ABCA9: variants seen among roughly 807,000 people sequenced by gnomAD.
ABCA9 encodes ATP-binding cassette sub-family A member 9.
ABCA9 carries 183 observed loss-of-function variants against 205.3 expected under a neutral mutation model. The observed-to-expected ratio is 0.89, with a 90% CI of 0.79 to 1.01. The LOEUF is 1.01. Ranked by LOEUF, ABCA9 falls within the 50% of genes least tolerant of loss-of-function variation. The pLI is 0.00. For missense variants in ABCA9, 1,805 were observed against 1,912.4 expected (o/e 0.94, Z 1.05); for synonymous variants, 651 against 683.3 (o/e 0.95, Z 0.74).
intron 34 of ABCA9, 77 bp downstream of exon 34, chr17:68,984,808 A>G: frequency 6.3e-7 from 1 of 1,578,730 alleles, no homozygotes; most frequent in South Asian, 1.1e-5. Flanking sequence ...TTCCTTTCTA[A>G]GTAAACAATG....
At chr17:69,050,081 G>C (rs914021201) in intron 2 of ABCA9, among the ~76,000 whole-genome samples, 3 of 151,906 alleles carry the variant, frequency 2.0e-5, no homozygotes, top group Non-Finnish European at 2.9e-5. Flanking sequence ...TTTTAAAAGA[G>C]TTATATGTCA....
Position 69,008,218 on chromosome 17 carries a change from C to T in ABCA9, c.3165G>A (p.Gln1055=). 3.1e-6 allele frequency: 5 copies of T among 1,612,874 alleles called. No homozygotes were observed. The highest frequency in any genetic ancestry group is 3.4e-6 in the Non-Finnish European group (4 of 1,179,742). ...IGDYKKKAHS[Q]LRISGLYPSA... ...AAGGGTAGAGGCCTGAAATCCGTAG[C>T]TGGGAATGAGCTTTTTTCTGATAAA... The change falls in exon 24 of 39, where the codon CAG becomes CAA. Residue 1055 remains glutamine, a synonymous_variant. Coordinates refer to ENST00000340001, the MANE Select transcript of ABCA9 (RefSeq NM_080283.4).
intron 1 of ABCA9, among the ~76,000 whole-genome samples, chr17:69,052,637 GA>G (rs2071944385): frequency 6.6e-6 from 1 of 152,136 alleles, no homozygotes; most frequent in Admixed American, 6.5e-5. Flanking sequence ...TCCCCACAAA[GA>G]AATTCTCCAG....
At chr17:68,981,037 A>G (rs2069035669) in intron 37 of ABCA9, among the ~76,000 whole-genome samples, 1 of 152,076 alleles carries the variant, frequency 6.6e-6, no homozygotes, top group African/African-American at 2.4e-5. Context: ...CCCCACTTAT[A>G]TGTAGAACCT....
At position 68,975,843 on chromosome 17, in the gene ABCA9, C is replaced by T; in HGVS notation, c.*72G>A. ...ATTTTGTACCACCTCTGATATAAGG[C>T]ATATTAAGGCTATAAAATATTATCT... On this transcript the variant is annotated 3_prime_UTR_variant, in exon 39 of 39. Coordinates refer to ENST00000340001, the MANE Select transcript of ABCA9 (RefSeq NM_080283.4). The T allele has an allele frequency of 8.9e-7, 1 of 1,119,644 alleles. No homozygotes were observed. Among genetic ancestry groups the T allele is most frequent in the East Asian group, 2.6e-5 (1 of 39,088 alleles). The allele number at this position is 1,119,644 out of a possible 1,614,324, so 69.4% of individuals were successfully genotyped here.
At chr17:69,034,600 G>A (rs924022930) in intron 8 of ABCA9, 2 of 152,122 alleles carry the variant, frequency 1.3e-5, no homozygotes, top group African/African-American at 2.4e-5. Context: ...TCTACCAATG[G>A]ACATTTACGT....
chr17:69,014,141 A>G (rs988890169), intron 22 of ABCA9, among the ~76,000 whole-genome samples: 3 of 152,282 alleles, frequency 2.0e-5, no homozygotes, highest in Non-Finnish European at 2.9e-5. Context: ...TCAGCTGTCT[A>G]ATAATAACAC....
the ABCA9 span, among the ~76,000 whole-genome samples, chr17:69,067,601 A>G: frequency 6.8e-6 from 1 of 147,138 alleles, no homozygotes; most frequent in Non-Finnish European, 1.5e-5. Context: ...AGAGAAAGAA[A>G]AAAGAAAGAA....
intron 6 of ABCA9, chr17:69,042,807 A>T (rs944136118): frequency 6.6e-6 from 1 of 152,202 alleles, no homozygotes; most frequent in African/African-American, 2.4e-5. Context: ...TGAAAGTGGC[A>T]ACATTTGTAT....
intron 25 of ABCA9, among the ~76,000 whole-genome samples, chr17:69,003,555 T>A (rs1330250648): frequency 7.2e-6 from 1 of 139,766 alleles, no homozygotes; most frequent in African/African-American, 2.7e-5. Context: ...TTAACATTTT[T>A]TCCTTCATTT....
the ABCA9 span, among the ~76,000 whole-genome samples, chr17:69,076,231 G>T: frequency 6.6e-5 from 10 of 152,152 alleles, 1 homozygote; most frequent in South Asian, 2.1e-3. Context: ...ATCATGAAGG[G>T]ATGTTGGATT....
chr17:68,983,974 A>G lies in ABCA9; in HGVS notation c.4499+82T>C, dbSNP rs1486080719. 5.0e-6 allele frequency: 8 copies of G among 1,602,908 alleles called. No homozygotes were observed. In the South Asian group the frequency reaches 6.7e-5, roughly 13 times the overall value. On this transcript the variant is annotated intron_variant, in intron 35 of 38. Transcript: ENST00000340001. ...GAAGCAACCATGCTAGCTCCTCACG[A>G]TGGGTAGCCTGGTGCAGGGAAATAA... is the stretch of plus-strand genomic sequence containing the variant.
chr17:69,040,214 G>A lies in ABCA9; in HGVS notation c.800+3275C>T, dbSNP rs748998004. Among the ~76,000 whole-genome samples, 5 of 152,170 alleles carry A rather than the reference G, an allele frequency of 3.3e-5. No homozygotes were observed. In the South Asian group the frequency reaches 6.2e-4, roughly 19 times the overall value. On this transcript the variant is annotated intron_variant, in intron 6 of 38. Coordinates refer to ENST00000340001, the MANE Select transcript of ABCA9 (RefSeq NM_080283.4). ...AGCAATCCCATTACTGGGTATATAC[G>A]CTAAGGATCATAAATCATTCTACTA...
Position 69,024,509 on chromosome 17 carries a change from G to C in ABCA9, c.2142-156C>G, listed in dbSNP as rs368329270. Reference sequence around the variant, plus strand: ...AGTAAGATGTAAAACTACTAATAAAGTCCAAACCATTAAATCTATGCAACA... The same window carrying C: ...AGTAAGATGTAAAACTACTAATAAACTCCAAACCATTAAATCTATGCAACA... On this transcript the variant is annotated intron_variant, in intron 16 of 38. Transcript: ENST00000340001. 1.9e-4 allele frequency among the ~76,000 whole-genome samples: 29 copies of C among 152,234 alleles called. No individual in the cohort carries two copies. The East Asian group carries it at 3.9e-3, about 20-fold the overall frequency.
chr17:69,074,847 A>T, the ABCA9 span, among the ~76,000 whole-genome samples: 1 of 152,132 alleles, frequency 6.6e-6, no homozygotes, highest in East Asian at 1.9e-4. Context: ...GTTCTTTGAG[A>T]AATCTCCAAA....
chr17:69,026,377 C>G lies in ABCA9; in HGVS notation c.2141G>C (p.Ser714Thr). ...KKKWGIGYHLSLHLNERCDPE... is the reference protein window; with the variant it reads ...KKKWGIGYHLTLHLNERCDPE... ...ACGTCTCCAACATTCAGGGCTGTAC[C>G]TTAAATGGTAGCCTATGCCCCATTT... Residue 714 changes from serine to threonine, a missense_variant and splice_region_variant, in exon 16 of 39, where the codon AGT (serine) becomes ACT (threonine). Coordinates refer to ENST00000340001, the MANE Select transcript of ABCA9 (RefSeq NM_080283.4). 6.2e-7 allele frequency: 1 copy of G among 1,612,690 alleles called. No homozygotes were observed. The highest frequency in any genetic ancestry group is 8.5e-7 in the Non-Finnish European group (1 of 1,178,868).
At chr17:69,035,035 A>C (rs1382241269) in intron 8 of ABCA9, 1 of 363,504 alleles carries the variant, frequency 2.8e-6, no homozygotes, top group African/African-American at 2.1e-5. Context: ...AAGCTGAAAC[A>C]TCTCAATAAT....
In ABCA9 at chr17:69,043,643, CA is replaced by C; in HGVS notation, c.645del (p.Phe215LeufsTer41). 2 of 1,613,714 alleles carry C rather than the reference CA, an allele frequency of 1.2e-6. No homozygotes were observed. Among genetic ancestry groups the C allele is most frequent in the Non-Finnish European group, 1.7e-6 (2 of 1,179,878 alleles). On this transcript the variant is annotated frameshift_variant, in exon 6 of 39. Coordinates refer to ENST00000340001, the MANE Select transcript of ABCA9 (RefSeq NM_080283.4). LOFTEE classifies it high-confidence loss of function. Reference sequence around the variant, plus strand: ...TCAGTTGCAACTCCTCCTTGGGCAACAAAAGGTAATATCTTCATATGTACAC... The same window carrying C: ...TCAGTTGCAACTCCTCCTTGGGCAACAAAGGTAATATCTTCATATGTACAC... ...VTGVHMKILPFVAQGGVATDF... is the reference protein window; with the variant it reads ...VTGVHMKILPXVAQGGVATDF...
At chr17:69,045,814 T>C (rs1288654447) in intron 3 of ABCA9, among the ~76,000 whole-genome samples, 1 of 152,094 alleles carries the variant, frequency 6.6e-6, no homozygotes, top group East Asian at 1.9e-4. Flanking sequence ...TTCATGAGAA[T>C]AGCATGGGAG....
Sources: gnomAD v4.1 joint callset for allele counts (sites outside exome capture counted in the v4.1 genomes callset) on GRCh38, gnomAD v4.1.1 for gene constraint, MANE v1.5 for transcripts, NCBI Gene and HGNC (gene_info 2026-07-23, HGNC 2026-07-21) for gene names.